CNIH3: variants seen among roughly 807,000 people sequenced by gnomAD.
CNIH3 encodes cornichon family AMPA receptor auxiliary protein 3.
In CNIH3, 14 loss-of-function variants were observed where a neutral mutation model predicts 24.1. That is an observed-to-expected ratio of 0.58 (90% confidence interval 0.38 to 0.91). CNIH3 has a LOEUF of 0.91. Among genes scored for constraint, CNIH3 ranks in the 40% least tolerant of loss-of-function variants. The pLI is 0.00. For synonymous variants in CNIH3, 68 were observed against 73.8 expected, an observed-to-expected ratio of 0.92 and a Z score of 0.40; for missense variants, 178 against 196.8, an observed-to-expected ratio of 0.90 and a Z score of 0.57.
intron 3 of CNIH3, among the ~76,000 whole-genome samples, chr1:224,598,821 A>G (rs1389434262): frequency 3.3e-5 from 5 of 152,224 alleles, no homozygotes; most frequent in Non-Finnish European, 5.9e-5. Context: ...CATTGAATGG[A>G]CCACAGTATA....
intron 3 of CNIH3, among the ~76,000 whole-genome samples, chr1:224,694,486 G>A (rs1460903256): frequency 6.6e-6 from 1 of 152,156 alleles, no homozygotes; most frequent in East Asian, 1.9e-4. Flanking sequence ...ACCCAGGATA[G>A]TTAATTTTAT....
intron 4 of CNIH3, chr1:224,575,525 T>C (rs1415214841): frequency 4.1e-6 from 2 of 491,208 alleles, no homozygotes; most frequent in East Asian, 4.0e-5. Context: ...AGCGAGGGTG[T>C]GTCTAGCTTG....
intron 2 of CNIH3, among the ~76,000 whole-genome samples, chr1:224,527,560 G>A (rs1678893190): frequency 6.6e-6 from 1 of 152,088 alleles, no homozygotes; most frequent in Non-Finnish European, 1.5e-5. Flanking sequence ...ACTCCACTCT[G>A]TATTTATAGC....
intron 1 of CNIH3, among the ~76,000 whole-genome samples, chr1:224,646,821 C>A (rs1443229444): frequency 6.6e-6 from 1 of 152,334 alleles, no homozygotes; most frequent in South Asian, 2.1e-4. Flanking sequence ...TGGCCCTACA[C>A]TGGTGAACTA....
chr1:224,464,753 A>C (rs191901871), intron 1 of CNIH3, among the ~76,000 whole-genome samples: 1 of 152,326 alleles, frequency 6.6e-6, no homozygotes, highest in Admixed American at 6.5e-5. Context: ...GTCAGGTAGC[A>C]TAAGTCTTCC....
At chr1:224,691,934 C>CT (rs1363899181) in intron 3 of CNIH3, among the ~76,000 whole-genome samples, 6 of 152,178 alleles carry the variant, frequency 3.9e-5, no homozygotes, top group Admixed American at 1.3e-4. Flanking sequence ...GTGGGGGCTA[C>CT]TAAGTACATT....
At chr1:224,682,549 A>T (rs755380494) in intron 2 of CNIH3, among the ~76,000 whole-genome samples, 4 of 152,202 alleles carry the variant, frequency 2.6e-5, no homozygotes, top group Non-Finnish European at 5.9e-5. Flanking sequence ...AACTTGCTGT[A>T]TTTCATGAAC....
intron 1 of CNIH3, among the ~76,000 whole-genome samples, chr1:224,626,662 TA>T (rs1683541313): frequency 6.6e-6 from 1 of 152,134 alleles, no homozygotes; most frequent in African/African-American, 2.4e-5. Context: ...GGGATCGACA[TA>T]AACTGCCTGT....
intron 4 of CNIH3, among the ~76,000 whole-genome samples, chr1:224,731,914 G>C (rs1209982682): frequency 6.6e-6 from 1 of 152,274 alleles, no homozygotes; most frequent in Non-Finnish European, 1.5e-5. Context: ...AATAAGAAGA[G>C]ACAGGGTTGG....
chr1:224,554,386 T>C (rs1680049347), intron 3 of CNIH3, among the ~76,000 whole-genome samples: 1 of 152,116 alleles, frequency 6.6e-6, no homozygotes, highest in Non-Finnish European at 1.5e-5. Context: ...GACTGTACAG[T>C]GCTTTACATG....
intron 4 of CNIH3, chr1:224,574,746 C>A: frequency 8.4e-7 from 1 of 1,189,630 alleles, no homozygotes; most frequent in Non-Finnish European, 1.3e-6. Context: ...GCTGGACTAC[C>A]TGGACCTCTA....
chr1:224,517,292 C>T (rs1678430300), intron 1 of CNIH3, among the ~76,000 whole-genome samples: 1 of 151,984 alleles, frequency 6.6e-6, no homozygotes, highest in African/African-American at 2.4e-5. Flanking sequence ...AGCTGGGAGC[C>T]TATTTAACGG....
At position 224,616,832 on chromosome 1, in the gene CNIH3, C is replaced by T; in HGVS notation, c.-343C>T. 1 of 1,123,192 alleles carries T rather than the reference C, an allele frequency of 8.9e-7. No individual in the cohort carries two copies. Among genetic ancestry groups the T allele is most frequent in the Non-Finnish European group, 1.1e-6 (1 of 918,010 alleles). 69.6% of individuals were successfully genotyped at this position (1,123,192 alleles called of 1,614,324 possible). A position where few individuals can be genotyped will look rare whatever the true frequency, so the allele number is the denominator to read the frequency against. On this transcript the variant is annotated 5_prime_UTR_variant, in exon 1 of 6. Transcript: ENST00000272133. ...GGTCCTCCGTGGAGTCGTCGCATCGCTTGTCGTGTTGGTCTCGAGGGGCTC... is the reference window on the plus strand; with the variant it reads ...GGTCCTCCGTGGAGTCGTCGCATCGTTTGTCGTGTTGGTCTCGAGGGGCTC...
intron 3 of CNIH3, among the ~76,000 whole-genome samples, chr1:224,707,445 C>T (rs769117544): frequency 2.1e-4 from 32 of 151,424 alleles, no homozygotes; most frequent in Non-Finnish European, 4.0e-4. Flanking sequence ...CGCCCCACCC[C>T]GCCCCACCCT....
At chr1:224,722,817 A>G (rs1400596778) in intron 3 of CNIH3, among the ~76,000 whole-genome samples, 1 of 152,228 alleles carries the variant, frequency 6.6e-6, no homozygotes, top group African/African-American at 2.4e-5. Flanking sequence ...AGAGCAGGGC[A>G]CTAGGCCCAG....
At chr1:224,483,852 G>C (rs953456796) in intron 1 of CNIH3, among the ~76,000 whole-genome samples, 1 of 151,986 alleles carries the variant, frequency 6.6e-6, no homozygotes, top group Non-Finnish European at 1.5e-5. Context: ...TTGCATGTAT[G>C]TAGTTTTTTT....
intron 3 of CNIH3, among the ~76,000 whole-genome samples, chr1:224,723,103 G>C (rs953414480): frequency 6.6e-6 from 1 of 152,194 alleles, no homozygotes; most frequent in African/African-American, 2.4e-5. Context: ...CAGTCAGGCT[G>C]GAAGCTGGTC....
chr1:224,446,586 G>A (rs1381241058), intron 1 of CNIH3, among the ~76,000 whole-genome samples: 1 of 151,892 alleles, frequency 6.6e-6, no homozygotes, highest in African/African-American at 2.4e-5. Context: ...CTATCAACAG[G>A]GACTTCATCA....
chr1:224,690,199 ATTTTTAT>A (rs1004572544), intron 3 of CNIH3, among the ~76,000 whole-genome samples: 6 of 152,060 alleles, frequency 3.9e-5, no homozygotes, highest in African/African-American at 1.4e-4. Flanking sequence ...AGTTATTTTC[ATTTTTAT>A]TTTTTATTTT....
Sources: allele counts gnomAD v4.1 joint callset (sites outside exome capture counted in the v4.1 genomes callset), GRCh38; gene constraint gnomAD v4.1.1; transcripts MANE v1.5; gene names NCBI Gene and HGNC (gene_info 2026-07-23, HGNC 2026-07-21).